The following DAB2IP variants were observed in gnomAD, a reference collection of about 807,000 sequenced individuals.
The protein encoded by DAB2IP is disabled homolog 2-interacting protein.
Under a neutral mutation model 107.2 loss-of-function variants are expected in DAB2IP, and 28 were observed. That is an observed-to-expected ratio of 0.26 (90% CI 0.19 to 0.36). The LOEUF is 0.36. Ranked by LOEUF, DAB2IP falls within the 10% of genes least tolerant of loss-of-function variation. DAB2IP has a pLI of 1.00. For synonymous variants in DAB2IP, 755 were observed against 706.4 expected (o/e 1.07, Z -1.09); for missense variants, 1,400 against 1,644.7 (o/e 0.85, Z 2.57).
At chr9:121,779,097 CTT>C (rs1046874798) in intron 14 of DAB2IP, among the ~76,000 whole-genome samples, 3 of 152,010 alleles carry the variant, frequency 2.0e-5, no homozygotes, top group Non-Finnish European at 2.9e-5. Flanking sequence ...TGTTTCTTCT[CTT>C]TGATAGTTTC....
intron 3 of DAB2IP, among the ~76,000 whole-genome samples, chr9:121,708,855 G>A (rs1278794364): frequency 1.3e-5 from 2 of 152,194 alleles, no homozygotes; most frequent in Non-Finnish European, 2.9e-5. Flanking sequence ...GGAAGGTCTC[G>A]GCTCAGGGAA....
chr9:121,583,076 CA>C (rs1284866678), intron 1 of DAB2IP, among the ~76,000 whole-genome samples: 1 of 152,198 alleles, frequency 6.6e-6, no homozygotes, highest in African/African-American at 2.4e-5. Flanking sequence ...CAGAACAAAA[CA>C]AAACATAATT....
At chr9:121,570,539 T>G (rs982923182) in intron 1 of DAB2IP, among the ~76,000 whole-genome samples, 2 of 151,964 alleles carry the variant, frequency 1.3e-5, no homozygotes, top group African/African-American at 4.8e-5. Context: ...ATACACATGT[T>G]CAGTCCACAA....
intron 1 of DAB2IP, among the ~76,000 whole-genome samples, chr9:121,608,750 T>G (rs1250723976): frequency 6.6e-6 from 1 of 152,154 alleles, no homozygotes; most frequent in Non-Finnish European, 1.5e-5. Flanking sequence ...TACTTTATGG[T>G]GTTTGACAGA....
intron 3 of DAB2IP, among the ~76,000 whole-genome samples, chr9:121,717,931 C>T (rs761177405): frequency 7.2e-5 from 11 of 152,160 alleles, no homozygotes; most frequent in Non-Finnish European, 1.5e-4. Context: ...GTTTGGGCCG[C>T]GTTATGACAG....
intron 1 of DAB2IP, among the ~76,000 whole-genome samples, chr9:121,603,285 T>C (rs1229816579): frequency 6.6e-6 from 1 of 152,218 alleles, no homozygotes; most frequent in Non-Finnish European, 1.5e-5. Context: ...TGGCCTGGGC[T>C]GACTCACTAG....
intron 1 of DAB2IP, among the ~76,000 whole-genome samples, chr9:121,607,526 C>G (rs1468119197): frequency 2.0e-5 from 3 of 152,056 alleles, no homozygotes; most frequent in Non-Finnish European, 4.4e-5. Flanking sequence ...TGGCGAACTC[C>G]TGGCCTCAAG....
chr9:121,766,692 C>T (rs775635593), exon 9 of DAB2IP: 98 of 1,614,010 alleles, frequency 6.1e-5, no homozygotes, highest in Non-Finnish European at 8.1e-5. Flanking sequence ...CCCTCACCCT[C>T]ATCGCCAAGG....
chr9:121,665,475 T>G (rs1181909847), intron 1 of DAB2IP, among the ~76,000 whole-genome samples: 3 of 152,198 alleles, frequency 2.0e-5, no homozygotes, highest in Non-Finnish European at 4.4e-5. Context: ...GATATTTAGG[T>G]TTTGATAATC....
intron 3 of DAB2IP, among the ~76,000 whole-genome samples, chr9:121,738,125 G>C (rs1192204632): frequency 6.6e-6 from 1 of 152,214 alleles, no homozygotes; most frequent in Non-Finnish European, 1.5e-5. Context: ...TGGAAGGTGG[G>C]TGTCCAGCGG....
rs1198035269 is a variant in DAB2IP at position 121,599,367 on chromosome 9, C to G, written c.40+32139C>G. ...GCGGAGGGCCTCGGCTCTGCCCAGT[C>G]CGGCCTGGGCGGGGCGGTGGTGGGG... On this transcript the variant is annotated intron_variant, in intron 1 of 16. Coordinates refer to the DAB2IP transcript ENST00000259371. The surrounding 1 kb of genome is among the most constrained non-coding windows in gnomAD (Gnocchi z 6.9). Among the ~76,000 whole-genome samples the G allele has an allele frequency of 6.6e-6, 1 of 152,150 alleles. No homozygotes were observed. The highest frequency in any genetic ancestry group is 2.1e-4 in the South Asian group (1 of 4,830).
chr9:121,623,416 G>T (rs553886554), intron 1 of DAB2IP, among the ~76,000 whole-genome samples: 28 of 152,168 alleles, frequency 1.8e-4, no homozygotes, highest in Admixed American at 4.6e-4. Flanking sequence ...GCCCAGGCTG[G>T]AGTGCAATGG....
chr9:121,690,117 A>G (rs539084630), intron 2 of DAB2IP, among the ~76,000 whole-genome samples: 54 of 152,372 alleles, frequency 3.5e-4, no homozygotes, highest in African/African-American at 1.3e-3. Context: ...AGGGCTTACT[A>G]AACACATCTG....
At chr9:121,590,357 A>T (rs1268290126) in intron 1 of DAB2IP, among the ~76,000 whole-genome samples, 1 of 151,214 alleles carries the variant, frequency 6.6e-6, no homozygotes, top group Non-Finnish European at 1.5e-5. Context: ...TCATCCTATG[A>T]TGCTTCAGTC....
exon 12 of DAB2IP, chr9:121,773,403 G>A: frequency 1.3e-6 from 2 of 1,590,488 alleles, no homozygotes; most frequent in Non-Finnish European, 1.7e-6. Flanking sequence ...GGCCTCACCT[G>A]ATTGGGTGGG....
Position 121,774,944 on chromosome 9 carries a change from G to C in DAB2IP, c.3120+532G>C, listed in dbSNP as rs1002043115. 3.0e-4 allele frequency among the ~76,000 whole-genome samples: 45 copies of C among 152,150 alleles called. 1 individual carries two copies. The highest frequency in any genetic ancestry group is 8.9e-4 in the African/African-American group (37 of 41,440). On this transcript the variant is annotated intron_variant, in intron 13 of 15. Coordinates refer to ENST00000408936, the Ensembl canonical transcript of DAB2IP. ...GGAAAGAAACAGCAGTTACCAGCTT[G>C]GGGGGTGGGGTCAGGCTGCCATTGA...
At chr9:121,682,529 C>T (rs956079547) in intron 2 of DAB2IP, among the ~76,000 whole-genome samples, 1 of 152,176 alleles carries the variant, frequency 6.6e-6, no homozygotes, top group Non-Finnish European at 1.5e-5. Context: ...TCACATGCCA[C>T]CCCTCCTCAT....
At chr9:121,598,155 A>G (rs1378166649) in intron 1 of DAB2IP, 1 of 152,306 alleles carries the variant, frequency 6.6e-6, no homozygotes, top group Non-Finnish European at 1.5e-5. Flanking sequence ...CCCTGGAATT[A>G]CAGGCGTCCT....
At chr9:121,585,048 G>A (rs1343088538) in intron 1 of DAB2IP, among the ~76,000 whole-genome samples, 11 of 152,096 alleles carry the variant, frequency 7.2e-5, no homozygotes, top group African/African-American at 2.4e-4. Flanking sequence ...TGGACTACAG[G>A]CGCGTGCCAC....
Sources: gnomAD v4.1 joint callset for allele counts (sites outside exome capture counted in the v4.1 genomes callset) on GRCh38, gnomAD v4.1.1 for gene constraint, Gnocchi (gnomAD v3.1) non-coding constraint, MANE v1.5 for transcripts, NCBI Gene and HGNC (gene_info 2026-07-23, HGNC 2026-07-21) for gene names.